MTSS1: variants seen among roughly 807,000 people sequenced by gnomAD.
The protein encoded by MTSS1 is MTSS I-BAR domain containing 1.
A neutral mutation model predicts 79.0 loss-of-function variants in MTSS1; 18 were observed. The ratio of observed to expected loss-of-function variants is 0.23; its 90% CI spans 0.16 to 0.34. The LOEUF is 0.34. Ranked by LOEUF, MTSS1 falls within the 10% of genes least tolerant of loss-of-function variation. MTSS1 has a pLI of 1.00. For missense variants in MTSS1, 815 were observed against 986.2 expected (o/e 0.83, Z 2.33); for synonymous variants, 341 against 368.6 (o/e 0.93, Z 0.86).
chr8:124,610,207 A>G (rs541369398), intron 3 of MTSS1, among the ~76,000 whole-genome samples: 1 of 152,370 alleles, frequency 6.6e-6, no homozygotes, highest in African/African-American at 2.4e-5. Flanking sequence ...AGACATGCAC[A>G]AAAGAAAAAA....
chr8:124,690,832 A>C (rs1827821195), intron 3 of MTSS1, among the ~76,000 whole-genome samples: 1 of 152,230 alleles, frequency 6.6e-6, no homozygotes, highest in Non-Finnish European at 1.5e-5. Context: ...CCATCAACTG[A>C]AAAACATCAA....
At chr8:124,628,474 T>G (rs897053327) in intron 3 of MTSS1, among the ~76,000 whole-genome samples, 7 of 152,126 alleles carry the variant, frequency 4.6e-5, no homozygotes, top group African/African-American at 1.7e-4. Context: ...GCAGGAAAGC[T>G]CTGTCTTCTG....
chr8:124,564,528 G>T (rs922586968), intron 9 of MTSS1, among the ~76,000 whole-genome samples: 2 of 152,118 alleles, frequency 1.3e-5, no homozygotes, highest in Non-Finnish European at 2.9e-5. Context: ...CGACAGTAAA[G>T]CTCACAGCAA....
At position 124,568,540 on chromosome 8, in the gene MTSS1, C is replaced by A; in HGVS notation, c.461-4G>T. ...TGAGGCTGGATATCACCTCTCCCTG[C>A]AAAAAACAGAGACCCAAGCACGGCT... On this transcript the variant is annotated splice_polypyrimidine_tract_variant and splice_region_variant and intron_variant, in intron 6 of 13. Coordinates refer to ENST00000518547, the MANE Select transcript of MTSS1 (RefSeq NM_014751.6). 1 of 1,614,126 alleles carries A rather than the reference C, an allele frequency of 6.2e-7. No individual in the cohort carries two copies. The highest frequency in any genetic ancestry group is 1.1e-5 in the South Asian group (1 of 91,078).
chr8:124,591,495 A>T (rs1260524929), intron 3 of MTSS1, among the ~76,000 whole-genome samples: 2 of 152,238 alleles, frequency 1.3e-5, no homozygotes, highest in Admixed American at 1.3e-4. Flanking sequence ...GTTAGTTTCT[A>T]TTCCATCTGA....
rs757355652 is a variant in MTSS1 at position 124,556,251 on chromosome 8, G to T, written c.1385C>A (p.Thr462Asn). The change falls in exon 12 of 14, where the codon ACT becomes AAT. Residue 462 changes from threonine to asparagine, a missense_variant. This residue lies in a region of MTSS1 where 590 missense variants were observed against 620.8 expected (regional missense o/e 0.95). Coordinates refer to ENST00000518547, the MANE Select transcript of MTSS1 (RefSeq NM_014751.6). The stretch of plus-strand genomic sequence containing the variant: ...CATCACCCTGGTGGCAGCCGATACA[G>T]TCATGCTCCGTGGTCTCTGAGCCTC... Reference protein sequence around the residue: ...AEEAQRPRSMTVSAATRPGEE... With the variant: ...AEEAQRPRSMNVSAATRPGEE... 3.1e-6 allele frequency: 5 copies of T among 1,614,108 alleles called. No homozygotes were observed. The African/African-American group carries it at 6.7e-5, about 22-fold the overall frequency.
chr8:124,560,479 G>A (rs1825039432), intron 10 of MTSS1, among the ~76,000 whole-genome samples: 1 of 152,184 alleles, frequency 6.6e-6, no homozygotes, highest in Non-Finnish European at 1.5e-5. Context: ...CAAGGCACAT[G>A]TATTCTCAAA....
At chr8:124,644,882 T>C (rs1204934881) in intron 3 of MTSS1, among the ~76,000 whole-genome samples, 1 of 152,190 alleles carries the variant, frequency 6.6e-6, no homozygotes, top group Non-Finnish European at 1.5e-5. Flanking sequence ...CTTAAGTCAT[T>C]TTTCTAAGAA....
chr8:124,666,345 A>G (rs1216068017), intron 3 of MTSS1, among the ~76,000 whole-genome samples: 1 of 152,252 alleles, frequency 6.6e-6, no homozygotes, highest in Non-Finnish European at 1.5e-5. Context: ...TATCAACTCT[A>G]ATACAAATGC....
At chr8:124,710,159 G>C (rs1210123794) in intron 1 of MTSS1, among the ~76,000 whole-genome samples, 1 of 152,218 alleles carries the variant, frequency 6.6e-6, no homozygotes, top group Admixed American at 6.5e-5. Context: ...GGACATGGGC[G>C]AAGTGGCCCA....
intron 1 of MTSS1, among the ~76,000 whole-genome samples, chr8:124,708,873 T>TA (rs946633815): frequency 1.6e-4 from 22 of 141,318 alleles, no homozygotes; most frequent in Admixed American, 5.0e-4. Flanking sequence ...TAATAGATTC[T>TA]AAAAAAAGAA....
At chr8:124,637,158 T>C (rs1817163508) in intron 3 of MTSS1, among the ~76,000 whole-genome samples, 1 of 152,210 alleles carries the variant, frequency 6.6e-6, no homozygotes, top group Non-Finnish European at 1.5e-5. Flanking sequence ...TCCAGAACTG[T>C]CAGATCCTGA....
At chr8:124,603,727 C>A (rs994134726) in intron 3 of MTSS1, among the ~76,000 whole-genome samples, 1 of 152,176 alleles carries the variant, frequency 6.6e-6, no homozygotes, top group Non-Finnish European at 1.5e-5. Flanking sequence ...TCTGTTCACA[C>A]GAGACAAATA....
chr8:124,554,278 C>T (rs577405585), intron 13 of MTSS1, among the ~76,000 whole-genome samples: 1 of 152,272 alleles, frequency 6.6e-6, no homozygotes, highest in Non-Finnish European at 1.5e-5. Flanking sequence ...GATTCTGAAC[C>T]ACCGTACTAT....
chr8:124,717,321 A>G (rs568109360), intron 1 of MTSS1, among the ~76,000 whole-genome samples: 12 of 151,262 alleles, frequency 7.9e-5, no homozygotes, highest in Admixed American at 4.0e-4. Flanking sequence ...ACAAAACCCC[A>G]TCTTTACTAA....
At position 124,597,527 on chromosome 8, in the gene MTSS1, C is replaced by T. The variant is rs1260220886; in HGVS notation, c.209-6292G>A. The stretch of plus-strand genomic sequence containing the variant: ...GCCCCTTGCTGCAGAGACCTGGCAG[C>T]GACAGGCAGGACGGTGGGTCCTTCG... On this transcript the variant is annotated intron_variant, in intron 3 of 13. Coordinates refer to ENST00000518547, the MANE Select transcript of MTSS1 (RefSeq NM_014751.6). The surrounding 1 kb of genome is among the most constrained non-coding windows in gnomAD (Gnocchi z 4.6). Among the ~76,000 whole-genome samples, 1 of 152,238 alleles carries T rather than the reference C, an allele frequency of 6.6e-6. No individual in the cohort carries two copies. The highest frequency in any genetic ancestry group is 1.5e-5 in the Non-Finnish European group (1 of 68,054).
intron 1 of MTSS1, among the ~76,000 whole-genome samples, chr8:124,714,723 A>G (rs1031352226): frequency 6.6e-6 from 1 of 152,132 alleles, no homozygotes; most frequent in Non-Finnish European, 1.5e-5. Flanking sequence ...TCAGCCTCCT[A>G]AAGTGCTGGG....
chr8:124,639,636 G>T (rs1255072738), intron 3 of MTSS1, among the ~76,000 whole-genome samples: 2 of 151,978 alleles, frequency 1.3e-5, no homozygotes, highest in Non-Finnish European at 2.9e-5. Flanking sequence ...CTAATTTTTT[G>T]TATTTTTAGT....
chr8:124,557,309 A>G (rs13265381), intron 11 of MTSS1, among the ~76,000 whole-genome samples: 28,686 of 152,100 alleles, frequency 0.19, 2,975 homozygotes, highest in East Asian at 0.35. Flanking sequence ...AGCTCTGATC[A>G]TGCTGACACC....
Sources: gnomAD v4.1 joint callset for allele counts (sites outside exome capture counted in the v4.1 genomes callset) on GRCh38, gnomAD v4.1.1 for gene constraint, gnomAD v4.1.1 regional missense constraint, Gnocchi (gnomAD v3.1) non-coding constraint, MANE v1.5 for transcripts, NCBI Gene and HGNC (gene_info 2026-07-23, HGNC 2026-07-21) for gene names.